Variants in ZNF438 observed in about 807,000 individuals in gnomAD.
The protein encoded by ZNF438 is zinc finger protein 438.
ZNF438 carries 25 observed loss-of-function variants against 38.0 expected under a neutral mutation model. The ratio of observed to expected loss-of-function variants is 0.66; its 90% confidence interval spans 0.48 to 0.92. The LOEUF is 0.92. Among genes scored for constraint, ZNF438 ranks in the 40% least tolerant of loss-of-function variants. The probability of loss-of-function intolerance (pLI) is 0.00; values close to 1 mark genes in which losing one functional copy is unlikely to be tolerated. For missense variants in ZNF438, 1,007 were observed against 999.6 expected (o/e 1.01, Z -0.10); for synonymous variants, 372 against 364.1 (o/e 1.02, Z -0.25).
At position 30,889,781 on chromosome 10, in the gene ZNF438, T is replaced by A. The variant is rs74136520; in HGVS notation, c.-31-12716A>T. Among the ~76,000 whole-genome samples, 175 of 152,302 alleles carry A rather than the reference T, an allele frequency of 1.1e-3. 1 individual carries two copies. Among genetic ancestry groups the A allele is most frequent in the African/African-American group, 4.1e-3 (172 of 41,562 alleles). On this transcript the variant is annotated intron_variant, in intron 3 of 5. Coordinates refer to ENST00000413025, the Ensembl canonical transcript of ZNF438. Reference sequence around the variant, plus strand: ...TTCAGGATCATGTTCCTGCCCAATCTCAGGTATGCAATGAGTTAAAAACCT... The same window carrying A: ...TTCAGGATCATGTTCCTGCCCAATCACAGGTATGCAATGAGTTAAAAACCT...
chr10:30,858,074 C>T (rs1046278389), intron 4 of ZNF438, among the ~76,000 whole-genome samples: 1 of 152,190 alleles, frequency 6.6e-6, no homozygotes, highest in African/African-American at 2.4e-5. Context: ...GCCCACAGGC[C>T]TACTGCTAAG....
chr10:30,995,059 T>C (rs1356057386), intron 1 of ZNF438, among the ~76,000 whole-genome samples: 1 of 147,556 alleles, frequency 6.8e-6, no homozygotes, highest in Non-Finnish European at 1.5e-5. Flanking sequence ...AAAAAATGAA[T>C]GAAAAAGAAC....
At chr10:30,993,519 A>G (rs769294405) in intron 1 of ZNF438, among the ~76,000 whole-genome samples, 2 of 152,238 alleles carry the variant, frequency 1.3e-5, no homozygotes, top group African/African-American at 2.4e-5. Flanking sequence ...AGAATGTAAC[A>G]GAAGTGGGGC....
At chr10:30,872,348 C>T (rs1019109031) in intron 4 of ZNF438, among the ~76,000 whole-genome samples, 7 of 146,488 alleles carry the variant, frequency 4.8e-5, no homozygotes, top group African/African-American at 1.7e-4. Flanking sequence ...ATCACTTGAA[C>T]CCGGGAGGTG....
chr10:30,956,899 T>C lies in ZNF438; in HGVS notation c.-191-15248A>G, dbSNP rs574580087. On this transcript the variant is annotated intron_variant, in intron 1 of 5. Coordinates refer to ENST00000413025, the Ensembl canonical transcript of ZNF438. ...ATACTGATTTCACTTATTTTGGATATATAAGCCGTACAGTGAAACTGTTAG... is the reference window on the plus strand; with the variant it reads ...ATACTGATTTCACTTATTTTGGATACATAAGCCGTACAGTGAAACTGTTAG... 5.3e-5 allele frequency among the ~76,000 whole-genome samples: 8 copies of C among 152,318 alleles called. No individual in the cohort carries two copies. The South Asian group carries it at 1.2e-3, about 24-fold the overall frequency.
chr10:30,864,717 A>T (rs1274805276), intron 4 of ZNF438, among the ~76,000 whole-genome samples: 2 of 152,204 alleles, frequency 1.3e-5, no homozygotes, highest in Non-Finnish European at 1.5e-5. Flanking sequence ...CAACAGCAAC[A>T]AGAAAGAGTC....
At chr10:30,905,420 G>T (rs2042479788) in intron 3 of ZNF438, among the ~76,000 whole-genome samples, 1 of 152,192 alleles carries the variant, frequency 6.6e-6, no homozygotes, top group Admixed American at 6.5e-5. Context: ...TCGGAAAAAT[G>T]TCTATTCAAT....
At chr10:30,859,263 T>TA (rs1258172569) in intron 4 of ZNF438, among the ~76,000 whole-genome samples, 1 of 152,078 alleles carries the variant, frequency 6.6e-6, no homozygotes, top group Non-Finnish European at 1.5e-5. Flanking sequence ...TGTATTTTTT[T>TA]ATATATTGTT....
At chr10:31,024,492 G>A (rs1239042208) in intron 1 of ZNF438, among the ~76,000 whole-genome samples, 1 of 152,192 alleles carries the variant, frequency 6.6e-6, no homozygotes, top group Non-Finnish European at 1.5e-5. Flanking sequence ...GCCGGGCTTG[G>A]TGGCGGGTGC....
chr10:30,901,102 T>A (rs1222738601), intron 3 of ZNF438, among the ~76,000 whole-genome samples: 1 of 152,202 alleles, frequency 6.6e-6, no homozygotes, highest in African/African-American at 2.4e-5. Flanking sequence ...ACATTAGCAA[T>A]AAACACTAAT....
chr10:30,980,682 G>A (rs892332895), intron 1 of ZNF438, among the ~76,000 whole-genome samples: 1 of 152,150 alleles, frequency 6.6e-6, no homozygotes, highest in African/African-American at 2.4e-5. Flanking sequence ...TTGTAAATTT[G>A]GGAGAACAGA....
chr10:30,942,155 G>A (rs979515917), intron 1 of ZNF438, among the ~76,000 whole-genome samples: 9 of 152,148 alleles, frequency 5.9e-5, no homozygotes, highest in Admixed American at 5.9e-4. Context: ...GGAAAATGTG[G>A]GAAGGCTCTG....
chr10:30,959,665 G>A (rs2049258114), intron 1 of ZNF438, among the ~76,000 whole-genome samples: 1 of 145,366 alleles, frequency 6.9e-6, no homozygotes, highest in Admixed American at 7.0e-5. Context: ...GGAGAATGGC[G>A]TGAACCCGGG....
intron 1 of ZNF438, among the ~76,000 whole-genome samples, chr10:30,960,167 T>G (rs1242798009): frequency 2.0e-5 from 3 of 147,578 alleles, no homozygotes; most frequent in African/African-American, 7.3e-5. Flanking sequence ...TTTACATGTT[T>G]TGGATACAAG....
intron 1 of ZNF438, among the ~76,000 whole-genome samples, chr10:31,027,757 T>C (rs2057035276): frequency 6.6e-6 from 1 of 152,218 alleles, no homozygotes; most frequent in Non-Finnish European, 1.5e-5. Context: ...CAAAATGAGA[T>C]GGCACCCCTC....
chr10:30,889,487 C>T (rs569666943), intron 3 of ZNF438, among the ~76,000 whole-genome samples: 2 of 152,150 alleles, frequency 1.3e-5, no homozygotes, highest in Non-Finnish European at 2.9e-5. Context: ...CTCACTGCAA[C>T]CTCCACCTCC....
intron 1 of ZNF438, among the ~76,000 whole-genome samples, chr10:31,002,500 T>A (rs1050057734): frequency 6.6e-6 from 1 of 152,218 alleles, no homozygotes; most frequent in Admixed American, 6.5e-5. Context: ...GAGTCATCAA[T>A]CCTTCACAAA....
chr10:30,937,796 C>T (rs1311313972), intron 2 of ZNF438, among the ~76,000 whole-genome samples: 1 of 152,208 alleles, frequency 6.6e-6, no homozygotes, highest in African/African-American at 2.4e-5. Flanking sequence ...TATTTCTCTT[C>T]CATTCACATG....
chr10:30,916,255 T>C lies in ZNF438; in HGVS notation c.-114-7240A>G, dbSNP rs1484267588. ...ACTGAATTAGTGACAGCAGAAAGCC[T>C]ACTTCTCATATTTTGCATATCGTAT... On this transcript the variant is annotated intron_variant, in intron 2 of 5. Transcript: ENST00000413025. Among the ~76,000 whole-genome samples, 4 of 152,224 alleles carry C rather than the reference T, an allele frequency of 2.6e-5. No homozygotes were observed. The East Asian group carries it at 7.7e-4, about 29-fold the overall frequency.
Sources: gnomAD v4.1 joint callset for allele counts (sites outside exome capture counted in the v4.1 genomes callset) on GRCh38, gnomAD v4.1.1 for gene constraint, MANE v1.5 for transcripts, NCBI Gene and HGNC (gene_info 2026-07-23, HGNC 2026-07-21) for gene names.